MED12L: variants seen among roughly 807,000 people sequenced by gnomAD.
MED12L encodes mediator of RNA polymerase II transcription subunit 12-like protein.
A neutral mutation model predicts 281.3 loss-of-function variants in MED12L; 60 were observed. The observed-to-expected ratio is 0.21, with a 90% CI of 0.17 to 0.26. MED12L has a LOEUF of 0.26. Ranked by LOEUF, MED12L falls within the 10% of genes least tolerant of loss-of-function variation. The pLI is 1.00. For missense variants in MED12L, 2,146 were observed against 2,680.9 expected (o/e 0.80, Z 4.41); for synonymous variants, 974 against 987.2 (o/e 0.99, Z 0.25).
intron 16 of MED12L, among the ~76,000 whole-genome samples, chr3:151,231,422 C>T (rs1221096508): frequency 6.6e-6 from 1 of 152,130 alleles, no homozygotes; most frequent in Non-Finnish European, 1.5e-5. Context: ...CTGAATGATC[C>T]AACTTACCAA....
At chr3:151,414,621 C>A (rs537434325) in intron 42 of MED12L, among the ~76,000 whole-genome samples, 5 of 152,176 alleles carry the variant, frequency 3.3e-5, no homozygotes, top group Non-Finnish European at 7.4e-5. Context: ...AGCCAACACA[C>A]CCTCTGGAAC....
chr3:151,241,329 A>G (rs942061329), intron 16 of MED12L, among the ~76,000 whole-genome samples: 2 of 152,220 alleles, frequency 1.3e-5, no homozygotes, highest in African/African-American at 4.8e-5. Context: ...ATCAATATCA[A>G]AGAGTATGGC....
At chr3:151,339,156 C>G (rs1751452352) in intron 16 of MED12L, among the ~76,000 whole-genome samples, 1 of 152,078 alleles carries the variant, frequency 6.6e-6, no homozygotes, top group African/African-American at 2.4e-5. Context: ...AGAGCTCACT[C>G]ATATTTATAT....
intron 42 of MED12L, among the ~76,000 whole-genome samples, 154 bp from the exon 43 acceptor site, chr3:151,416,158 G>T (rs953356965): frequency 6.6e-6 from 1 of 152,186 alleles, no homozygotes; most frequent in Non-Finnish European, 1.5e-5. Flanking sequence ...TCAAAAGGAC[G>T]AATGAGGTTC....
At chr3:151,242,432 C>T (rs1328123111) in intron 16 of MED12L, among the ~76,000 whole-genome samples, 7 of 152,286 alleles carry the variant, frequency 4.6e-5, no homozygotes, top group East Asian at 1.9e-4. Context: ...GATCTGAGAA[C>T]CGGCAGACTG....
At chr3:151,136,262 G>T (rs919643854) in intron 5 of MED12L, among the ~76,000 whole-genome samples, 5 of 152,180 alleles carry the variant, frequency 3.3e-5, no homozygotes, top group African/African-American at 1.2e-4. Flanking sequence ...TTGACAGTCT[G>T]GTTTCTTATC....
In MED12L at chr3:151,382,746, G is replaced by A. The variant is rs1418228005; in HGVS notation, c.4680+1G>A. 2 of 1,605,736 alleles carry A rather than the reference G, an allele frequency of 1.2e-6. No homozygotes were observed. Among genetic ancestry groups the A allele is most frequent in the East Asian group, 2.3e-5 (1 of 44,290 alleles). On this transcript the variant is annotated splice_donor_variant, in intron 33 of 44. Coordinates refer to ENST00000687756, the MANE Select transcript of MED12L (RefSeq NM_001393769.1). LOFTEE classifies it high-confidence loss of function. ...AGCATTGCAACTCCGCCTAAATTTG[G>A]TAAGTGACATTTCTAGTATTTTCCC...
chr3:151,368,035 C>T, intron 24 of MED12L, 115 bp from the exon 25 acceptor site: 4 of 941,218 alleles, frequency 4.2e-6, no homozygotes, highest in East Asian at 2.7e-5. Flanking sequence ...TATTTTCTTA[C>T]CATAAGGAAA....
chr3:151,175,540 T>G (rs566936125), intron 11 of MED12L, among the ~76,000 whole-genome samples: 1 of 152,358 alleles, frequency 6.6e-6, no homozygotes, highest in South Asian at 2.1e-4. Flanking sequence ...AAATTTCTTA[T>G]TTGAAACTGG....
intron 24 of MED12L, 105 bp from the exon 25 acceptor site, chr3:151,368,045 A>G: frequency 1.0e-6 from 1 of 991,370 alleles, no homozygotes; most frequent in Non-Finnish European, 1.5e-6. Context: ...CCATAAGGAA[A>G]ATTTATTTAA....
At position 151,434,574 on chromosome 3, in the gene MED12L, T is replaced by C. The variant is rs1234845927; in HGVS notation, c.*1770T>C. The stretch of plus-strand genomic sequence containing the variant: ...TTGCTGGTTTTGTATATCAGATTTT[T>C]TCCTCTCAAGAAACATACTTAGATA... On this transcript the variant is annotated 3_prime_UTR_variant, in exon 45 of 45. Coordinates refer to ENST00000687756, the MANE Select transcript of MED12L (RefSeq NM_001393769.1). The C allele has an allele frequency of 6.6e-6, 1 of 152,262 alleles. No homozygotes were observed. The highest frequency in any genetic ancestry group is 2.4e-5 in the African/African-American group (1 of 41,474). The allele number at this position is 152,262 out of a possible 1,614,324, so 9.4% of individuals were successfully genotyped here.
chr3:151,325,644 G>A (rs1007011871), intron 16 of MED12L, among the ~76,000 whole-genome samples: 3 of 152,112 alleles, frequency 2.0e-5, no homozygotes, highest in South Asian at 4.1e-4. Context: ...CTACAGATCA[G>A]GCACTCTGCC....
In MED12L at chr3:151,393,521, G is replaced by A. The variant is rs116693887; in HGVS notation, c.5609-1135G>A. Among the ~76,000 whole-genome samples the A allele has an allele frequency of 5.9e-4, 80 of 136,698 alleles. No individual in the cohort carries two copies. The South Asian group carries it at 9.2e-3, about 16-fold the overall frequency. 89.7% of individuals were successfully genotyped at this position (136,698 alleles called of 152,430 possible). ...CTCCCCCACAACCCCCCCTCCCACC[G>A]TAAAGATAAGCTGTTAATTTTAGGG... On this transcript the variant is annotated intron_variant, in intron 38 of 44. Transcript: ENST00000687756.
At chr3:151,202,782 G>A (rs1023372222) in intron 16 of MED12L, among the ~76,000 whole-genome samples, 3 of 152,038 alleles carry the variant, frequency 2.0e-5, no homozygotes, top group Non-Finnish European at 4.4e-5. Flanking sequence ...TCATCTTAAG[G>A]CCTGTTGTTC....
chr3:151,169,122 GTT>G (rs1179594098), intron 11 of MED12L, among the ~76,000 whole-genome samples: 16 of 82,578 alleles, frequency 1.9e-4, no homozygotes, highest in Admixed American at 1.6e-3. Flanking sequence ...TTTTTTTTTT[GTT>G]TTTTTTTTTT....
At chr3:151,106,158 C>T (rs768704657) in intron 2 of MED12L, among the ~76,000 whole-genome samples, 18 of 152,074 alleles carry the variant, frequency 1.2e-4, no homozygotes, top group Non-Finnish European at 1.9e-4. Flanking sequence ...CTACTCCAGT[C>T]AGTTGTCCAC....
At chr3:151,140,684 A>ATTTAT (rs61191389) in intron 5 of MED12L, among the ~76,000 whole-genome samples, 45,319 of 151,616 alleles carry the variant, frequency 0.3, 8,629 homozygotes, top group African/African-American at 0.54. Context: ...TTATTTATTT[A>ATTTAT]TTATTTATTT....
chr3:151,200,887 G>A (rs1383625269), intron 16 of MED12L: 2 of 152,172 alleles, frequency 1.3e-5, no homozygotes, highest in Admixed American at 1.3e-4. Flanking sequence ...TGAGGAAATT[G>A]AGGCATAATG....
chr3:151,422,859 AT>A (rs545893723), intron 43 of MED12L, among the ~76,000 whole-genome samples: 8 of 145,220 alleles, frequency 5.5e-5, no homozygotes, highest in Admixed American at 2.1e-4. Flanking sequence ...TTGAATGTTA[AT>A]TTTTTTTAGA....
Sources: allele counts gnomAD v4.1 joint callset (sites outside exome capture counted in the v4.1 genomes callset), GRCh38; gene constraint gnomAD v4.1.1; transcripts MANE v1.5; gene names NCBI Gene and HGNC (gene_info 2026-07-23, HGNC 2026-07-21).